SLC16A7: variants seen among roughly 807,000 people sequenced by gnomAD.
SLC16A7 encodes the protein monocarboxylate transporter 2.
Under a neutral mutation model 34.9 loss-of-function variants are expected in SLC16A7, and 33 were observed. That is an observed-to-expected ratio of 0.94 (90% CI 0.72 to 1.26). The LOEUF (loss-of-function observed/expected upper bound fraction) is 1.26. Ranked by LOEUF, SLC16A7 falls within the 50% of genes most tolerant of loss-of-function variation. The probability of loss-of-function intolerance (pLI) is 0.00; values close to 1 mark genes in which losing one functional copy is unlikely to be tolerated. For missense variants in SLC16A7, 573 were observed against 578.1 expected (o/e 0.99, Z 0.09); for synonymous variants, 201 against 206.6 (o/e 0.97, Z 0.23).
chr12:59,648,111 G>A (rs1290259140), intron 1 of SLC16A7, among the ~76,000 whole-genome samples: 2 of 152,022 alleles, frequency 1.3e-5, no homozygotes, highest in East Asian at 3.9e-4. Context: ...GGTGATTGAG[G>A]ATATTTAGGG....
intron 1 of SLC16A7, among the ~76,000 whole-genome samples, chr12:59,604,389 T>C (rs1299783497): frequency 6.6e-6 from 1 of 152,240 alleles, no homozygotes; most frequent in Non-Finnish European, 1.5e-5. Context: ...ACTTTAACTT[T>C]TGATTGTAAT....
intron 1 of SLC16A7, among the ~76,000 whole-genome samples, chr12:59,640,492 G>T (rs77033352): frequency 1.3e-4 from 20 of 151,152 alleles, no homozygotes; most frequent in Non-Finnish European, 2.9e-4. Flanking sequence ...ATTTTTGCTT[G>T]TTATGAGAAA....
At chr12:59,742,318 A>G (rs916547537) in intron 3 of SLC16A7, among the ~76,000 whole-genome samples, 18 of 152,252 alleles carry the variant, frequency 1.2e-4, no homozygotes, top group African/African-American at 4.3e-4. Context: ...ACAGCTCTGG[A>G]TCATCAGGAA....
At chr12:59,670,570 C>T (rs761292144) in intron 2 of SLC16A7, among the ~76,000 whole-genome samples, 1 of 152,108 alleles carries the variant, frequency 6.6e-6, no homozygotes, top group African/African-American at 2.4e-5. Context: ...CATCCCAGAG[C>T]AAAATTCCTC....
chr12:59,779,323 T>G, intron 5 of SLC16A7, 100 bp from the exon 6 acceptor site: 1 of 903,724 alleles, frequency 1.1e-6, no homozygotes, highest in East Asian at 2.8e-5. Context: ...GACATTAATT[T>G]AAATAAGAGG....
intron 1 of SLC16A7, among the ~76,000 whole-genome samples, chr12:59,632,806 T>TA (rs1460142354): frequency 6.6e-6 from 1 of 152,046 alleles, no homozygotes; most frequent in African/African-American, 2.4e-5. Flanking sequence ...TGGCCTTTTT[T>TA]GTATTCAAAG....
intron 3 of SLC16A7, among the ~76,000 whole-genome samples, chr12:59,727,889 A>AAG (rs1306376977): frequency 2.0e-5 from 3 of 152,174 alleles, no homozygotes; most frequent in Non-Finnish European, 4.4e-5. Context: ...TATGACAAAA[A>AAG]AGAGAGAGAC....
At chr12:59,756,859 A>G (rs1044281162) in intron 3 of SLC16A7, among the ~76,000 whole-genome samples, 3 of 131,472 alleles carry the variant, frequency 2.3e-5, no homozygotes, top group African/African-American at 9.3e-5. Context: ...ACCAACCGAA[A>G]TGTCCAACAA....
At chr12:59,618,589 T>C (rs1026570108) in intron 1 of SLC16A7, among the ~76,000 whole-genome samples, 1 of 150,580 alleles carries the variant, frequency 6.6e-6, no homozygotes, top group African/African-American at 2.4e-5. Flanking sequence ...TATGGGAAAC[T>C]AATTCTTGTA....
At chr12:59,695,614 C>G (rs1281764729) in intron 2 of SLC16A7, among the ~76,000 whole-genome samples, 2 of 152,064 alleles carry the variant, frequency 1.3e-5, no homozygotes, top group African/African-American at 2.4e-5. Flanking sequence ...GCTTCATCCT[C>G]TCATAGAAAC....
rs1883515187 is a variant in SLC16A7 at position 59,785,053 on chromosome 12, G to C, written c.*5374G>C. On this transcript the variant is annotated 3_prime_UTR_variant, in exon 6 of 6. Transcript: ENST00000547379. Reference sequence around the variant, plus strand: ...CTTGACTTTACTCATCTCTCTTTAAGATTTTGATTTCTGCACAACCATATG... The same window carrying C: ...CTTGACTTTACTCATCTCTCTTTAACATTTTGATTTCTGCACAACCATATG... The C allele has an allele frequency of 6.6e-6, 1 of 152,090 alleles. No individual in the cohort carries two copies. The highest frequency in any genetic ancestry group is 2.4e-5 in the African/African-American group (1 of 41,436). The allele number at this position is 152,090 out of a possible 1,614,324, so 9.4% of individuals were successfully genotyped here. A position where few individuals can be genotyped will look rare whatever the true frequency, so the allele number is the denominator to read the frequency against.
chr12:59,752,106 T>C (rs1453601618), intron 3 of SLC16A7, among the ~76,000 whole-genome samples: 2 of 152,030 alleles, frequency 1.3e-5, no homozygotes, highest in Non-Finnish European at 2.9e-5. Context: ...AACCCATCTG[T>C]ACATCACCAT....
At chr12:59,693,042 A>G (rs1871861842) in intron 2 of SLC16A7, among the ~76,000 whole-genome samples, 1 of 152,008 alleles carries the variant, frequency 6.6e-6, no homozygotes, top group Admixed American at 6.6e-5. Flanking sequence ...AAACCAGACA[A>G]TTATTCTTTG....
At chr12:59,725,269 T>G (rs992424668) in intron 3 of SLC16A7, among the ~76,000 whole-genome samples, 1 of 152,106 alleles carries the variant, frequency 6.6e-6, no homozygotes, top group African/African-American at 2.4e-5. Flanking sequence ...TGAATCACTA[T>G]TGTATGAATT....
In SLC16A7 at chr12:59,787,370, T is replaced by A. The variant is rs1434803681; in HGVS notation, c.*7691T>A. 2 of 152,184 alleles carry A rather than the reference T, an allele frequency of 1.3e-5. No homozygotes were observed. The highest frequency in any genetic ancestry group is 4.8e-5 in the African/African-American group (2 of 41,448). 9.4% of individuals were successfully genotyped at this position (152,184 alleles called of 1,614,324 possible). A position where few individuals can be genotyped will look rare whatever the true frequency, so the allele number is the denominator to read the frequency against. On this transcript the variant is annotated 3_prime_UTR_variant, in exon 6 of 6. Coordinates refer to ENST00000547379, the MANE Select transcript of SLC16A7 (RefSeq NM_001270623.2). ...TCTCAAAAATTTCTTATTTTATGAA[T>A]GTTTTCTTCACCTAATAAACAATAC...
rs1320694978 is a variant in SLC16A7, at chr12:59,702,164, A to G, written c.-30-2608A>G. ...TAATATATAGATTCAGATTCTTTAG[A>G]CAACTTTCAAAGATCATTTGCTATT... is the stretch of plus-strand genomic sequence containing the variant. On this transcript the variant is annotated intron_variant, in intron 2 of 5. Transcript: ENST00000547379. Among the ~76,000 whole-genome samples the G allele has an allele frequency of 2.6e-5, 4 of 152,038 alleles. No homozygotes were observed. The East Asian group carries it at 7.7e-4, about 29-fold the overall frequency.
At chr12:59,761,509 A>G (rs996743142) in intron 3 of SLC16A7, among the ~76,000 whole-genome samples, 2 of 152,104 alleles carry the variant, frequency 1.3e-5, no homozygotes, top group Non-Finnish European at 2.9e-5. Context: ...TTTTATTACC[A>G]TTGCCTTGTT....
intron 2 of SLC16A7, among the ~76,000 whole-genome samples, chr12:59,694,247 T>C (rs918464871): frequency 6.6e-6 from 1 of 151,954 alleles, no homozygotes; most frequent in African/African-American, 2.4e-5. Flanking sequence ...TAATGGTTTT[T>C]CCAAATTGAA....
intron 1 of SLC16A7, among the ~76,000 whole-genome samples, chr12:59,614,017 C>T (rs934518877): frequency 2.5e-4 from 38 of 151,122 alleles, no homozygotes; most frequent in Non-Finnish European, 1.3e-4. Flanking sequence ...GATCCTGATG[C>T]AGCATGTGCT....
Sources: allele counts gnomAD v4.1 joint callset (sites outside exome capture counted in the v4.1 genomes callset), GRCh38; gene constraint gnomAD v4.1.1; transcripts MANE v1.5; gene names NCBI Gene and HGNC (gene_info 2026-07-23, HGNC 2026-07-21).